MAOA: variants seen among roughly 807,000 people sequenced by gnomAD.
MAOA encodes the protein amine oxidase [flavin-containing] A.
In MAOA, 6 loss-of-function variants were observed where a neutral mutation model predicts 42.0. The ratio of observed to expected loss-of-function variants is 0.14; its 90% CI spans 0.08 to 0.28. The LOEUF (loss-of-function observed/expected upper bound fraction) is 0.28, where lower values mean the gene tolerates loss of function less well. Ranked by LOEUF, MAOA falls within the 10% of genes least tolerant of loss-of-function variation. The pLI, the probability that MAOA is intolerant of heterozygous loss-of-function variation, is 1.00. For synonymous variants in MAOA, 140 were observed against 154.0 expected, an observed-to-expected ratio of 0.91 and a Z score of 0.67; for missense variants, 262 against 422.3, an observed-to-expected ratio of 0.62 and a Z score of 3.33.
At chrX:43,684,335 G>A (rs1034753520) in intron 2 of MAOA, among the ~76,000 whole-genome samples, 1 of 111,059 alleles carries the variant, frequency 9.0e-6, no homozygotes, top group Non-Finnish European at 1.9e-5. Context: ...ACTGATGAAA[G>A]TAGGCAGGGA....
chrX:43,673,117 T>G (rs1231602011), intron 1 of MAOA, among the ~76,000 whole-genome samples: 4 of 110,686 alleles, frequency 3.6e-5, no homozygotes, highest in African/African-American at 1.3e-4. Flanking sequence ...CAATTTCAGA[T>G]CCTGTTATTG....
intron 2 of MAOA, among the ~76,000 whole-genome samples, chrX:43,684,161 G>A (rs2033466044): frequency 8.9e-6 from 1 of 111,875 alleles, no homozygotes; most frequent in African/African-American, 3.3e-5. Flanking sequence ...GCTTCTGCCA[G>A]AGATACTCCT....
chrX:43,734,840 C>G (rs2033908430), intron 9 of MAOA, among the ~76,000 whole-genome samples: 1 of 111,776 alleles, frequency 8.9e-6, no homozygotes, highest in Admixed American at 9.6e-5. Context: ...GGGAAGGGAA[C>G]TGTAAAAAGT....
intron 10 of MAOA, among the ~76,000 whole-genome samples, chrX:43,737,027 G>A (rs182775470): frequency 1.2e-3 from 139 of 111,727 alleles, no homozygotes; most frequent in Non-Finnish European, 1.2e-3. Flanking sequence ...ATTAGCAGCC[G>A]TTGCTTTGGG....
intron 5 of MAOA, among the ~76,000 whole-genome samples, chrX:43,714,989 G>C (rs1322758845): frequency 4.5e-5 from 5 of 110,536 alleles, no homozygotes; most frequent in African/African-American, 1.7e-4. Context: ...AGGAAACATA[G>C]ATGGTGAGGC....
At chrX:43,744,196 A>C (rs757194344) in intron 14 of MAOA, 25 bp downstream of exon 14, 11 of 1,175,192 alleles carry the variant, frequency 9.4e-6, no homozygotes, top group Non-Finnish European at 1.3e-5. Flanking sequence ...TCTGGGCACT[A>C]TCTCTCCTTA....
At chrX:43,692,000 G>GACACACACACACACACAC (rs753022851) in intron 2 of MAOA, among the ~76,000 whole-genome samples, 1 of 65,012 alleles carries the variant, frequency 1.5e-5, no homozygotes, top group Admixed American at 2.0e-4. Context: ...GCACTGTATA[G>GACACACACACACACACAC]ACACACACAC....
At chrX:43,687,207 C>T (rs2033494531) in intron 2 of MAOA, among the ~76,000 whole-genome samples, 1 of 112,260 alleles carries the variant, frequency 8.9e-6, no homozygotes, top group Middle Eastern at 4.6e-3. Context: ...CAGTAGAATA[C>T]AGTGTTACCG....
chrX:43,693,389 C>T lies in MAOA; in HGVS notation c.267C>T (p.Tyr89=), dbSNP rs913828202. The part of the protein sequence containing the change: ...RLSKELGIET[Y]KVNVSERLVQ... ...CTAAGGAGCTGGGCATAGAGACTTA[C>T]AAAGTGAATGTCAGTGAGCGTCTCG... is the stretch of plus-strand genomic sequence containing the variant. Residue 89 remains tyrosine (Y), a synonymous_variant, in exon 3 of 15, where the codon TAC becomes TAT. Coordinates refer to ENST00000338702, the MANE Select transcript of MAOA (RefSeq NM_000240.4). 8.3e-7 allele frequency: 1 copy of T among 1,209,310 alleles called. No homozygotes were observed. The highest frequency in any genetic ancestry group is 1.1e-6 in the Non-Finnish European group (1 of 894,606).
intron 5 of MAOA, among the ~76,000 whole-genome samples, chrX:43,723,467 C>T (rs1255292792): frequency 9.0e-6 from 1 of 111,502 alleles, no homozygotes; most frequent in Non-Finnish European, 1.9e-5. Flanking sequence ...AATAGGAGTT[C>T]ACTCATGATT....
intron 10 of MAOA, among the ~76,000 whole-genome samples, chrX:43,738,984 A>G (rs2033941300): frequency 8.9e-6 from 1 of 112,138 alleles, no homozygotes; most frequent in Admixed American, 9.4e-5. Context: ...GACTAGGCAA[A>G]GAGTAGGCTG....
At chrX:43,693,013 G>C (rs1181570979) in intron 2 of MAOA, among the ~76,000 whole-genome samples, 1 of 111,694 alleles carries the variant, frequency 9.0e-6, no homozygotes, top group African/African-American at 3.3e-5. Flanking sequence ...TAAACTGGCA[G>C]AACATACTAC....
Position 43,681,935 on chromosome X carries a change from G to T in MAOA, c.74-1578G>T, listed in dbSNP as rs750812633. Among the ~76,000 whole-genome samples the T allele has an allele frequency of 1.6e-3, 170 of 104,085 alleles. 2 individuals carry two copies. The highest frequency in any genetic ancestry group is 6.0e-3 in the African/African-American group (169 of 28,368). The allele number at this position is 104,085 out of a possible 115,157, so 90.4% of individuals were successfully genotyped here. A position where few individuals can be genotyped will look rare whatever the true frequency, so the allele number is the denominator to read the frequency against. ...CTTGCTCTGTTGCCCAGGCTGGAGTGCAGTGGCACGATCTCGGCTCACTGC... is the reference window on the plus strand; with the variant it reads ...CTTGCTCTGTTGCCCAGGCTGGAGTTCAGTGGCACGATCTCGGCTCACTGC... On this transcript the variant is annotated intron_variant, in intron 1 of 14. Coordinates refer to ENST00000338702, the MANE Select transcript of MAOA (RefSeq NM_000240.4).
intron 2 of MAOA, among the ~76,000 whole-genome samples, chrX:43,689,389 C>T (rs1041188588): frequency 9.0e-6 from 1 of 111,221 alleles, no homozygotes; most frequent in East Asian, 2.8e-4. Context: ...TCTTTCTTTC[C>T]TTCTTTTGGG....
At chrX:43,698,579 G>T (rs1041628722) in intron 3 of MAOA, among the ~76,000 whole-genome samples, 3 of 112,295 alleles carry the variant, frequency 2.7e-5, no homozygotes, top group African/African-American at 9.7e-5. Context: ...GTTCCAAGCT[G>T]CAGATAGAGT....
At position 43,741,742 on chromosome X, in the gene MAOA, G is replaced by A. The variant is rs140425432; in HGVS notation, c.1165-208G>A. 1.6e-3 allele frequency among the ~76,000 whole-genome samples: 184 copies of A among 112,157 alleles called. 1 individual carries two copies. Among genetic ancestry groups the A allele is most frequent in the African/African-American group, 5.8e-3 (178 of 30,883 alleles). ...TCATGTCTTCCCTAATCAAGAAAAT[G>A]GGAAGAGCAAAGTATACATGTTTTG... On this transcript the variant is annotated intron_variant, in intron 11 of 14. Coordinates refer to ENST00000338702, the MANE Select transcript of MAOA (RefSeq NM_000240.4).
chrX:43,728,160 G>A lies in MAOA; in HGVS notation c.504-13G>A. On this transcript the variant is annotated splice_polypyrimidine_tract_variant and intron_variant, in intron 5 of 14. Transcript: ENST00000338702. ...ATATTGACACCTGACTTCCACTTTT[G>A]TTCTATGAACAGGACTGCTAGGCGG... The A allele has an allele frequency of 8.3e-7, 1 of 1,208,136 alleles. No individual in the cohort carries two copies. The highest frequency in any genetic ancestry group is 1.1e-6 in the Non-Finnish European group (1 of 892,519).
chrX:43,690,324 C>G (rs1012679792), intron 2 of MAOA, among the ~76,000 whole-genome samples: 4 of 109,925 alleles, frequency 3.6e-5, no homozygotes, highest in African/African-American at 1.3e-4. Flanking sequence ...TTAATCCATT[C>G]ACGGAGTTTT....
intron 5 of MAOA, among the ~76,000 whole-genome samples, chrX:43,723,366 G>A (rs2033806845): frequency 9.0e-6 from 1 of 111,400 alleles, no homozygotes; most frequent in African/African-American, 3.3e-5. Context: ...TTATTGCGTT[G>A]AGAAGTGGTT....
Sources: allele counts gnomAD v4.1 joint callset (sites outside exome capture counted in the v4.1 genomes callset), GRCh38; gene constraint gnomAD v4.1.1; transcripts MANE v1.5; gene names NCBI Gene and HGNC (gene_info 2026-07-23, HGNC 2026-07-21).